PDE11A: variants seen among roughly 807,000 people sequenced by gnomAD.
The protein encoded by PDE11A is dual 3',5'-cyclic-AMP and -GMP phosphodiesterase 11A.
A neutral mutation model predicts 100.5 loss-of-function variants in PDE11A; 100 were observed. The ratio of observed to expected loss-of-function variants is 1.00; its 90% CI spans 0.85 to 1.18. The LOEUF (loss-of-function observed/expected upper bound fraction) is 1.18, where lower values mean the gene tolerates loss of function less well. Ranked by LOEUF, PDE11A falls within the 50% of genes most tolerant of loss-of-function variation. The probability of loss-of-function intolerance (pLI) is 0.00; values close to 1 mark genes in which losing one functional copy is unlikely to be tolerated. For synonymous variants in PDE11A, 381 were observed against 420.8 expected, an observed-to-expected ratio of 0.91 and a Z score of 1.16; for missense variants, 1,141 against 1,152.6, an observed-to-expected ratio of 0.99 and a Z score of 0.15.
At position 177,817,858 on chromosome 2, in the gene PDE11A, C is replaced by T. The variant is rs780184140; in HGVS notation, c.1644G>A (p.Glu548=). Reference sequence around the variant, plus strand: ...TTGGTTTATAAATTTATTTTCTTACCTCAAAAAGTCGTTGATCTGCATCAT... The same window carrying T: ...TTGGTTTATAAATTTATTTTCTTACTTCAAAAAGTCGTTGATCTGCATCAT... The part of the protein sequence containing the change: ...PFDDADQRLF[E]AFVIFCGLGI... Residue 548 remains glutamate, a splice_region_variant and synonymous_variant, in exon 8 of 20, where the codon GAG becomes GAA. Transcript: ENST00000286063. The T allele has an allele frequency of 2.8e-6, 4 of 1,451,308 alleles. No homozygotes were observed. Among genetic ancestry groups the T allele is most frequent in the African/African-American group, 2.9e-5 (2 of 69,740 alleles). 89.9% of individuals were successfully genotyped at this position (1,451,308 alleles called of 1,614,324 possible).
intron 9 of PDE11A, among the ~76,000 whole-genome samples, chr2:177,773,801 T>A: frequency 6.6e-6 from 1 of 152,198 alleles, no homozygotes; most frequent in Admixed American, 6.5e-5. Context: ...CATCGGCTAA[T>A]AGGAGTACAT....
intron 2 of PDE11A, among the ~76,000 whole-genome samples, chr2:178,103,493 A>T (rs1438881470): frequency 6.6e-6 from 1 of 152,108 alleles, no homozygotes; most frequent in Admixed American, 6.5e-5. Flanking sequence ...TGTACACTTT[A>T]AAATGTCTAA....
chr2:177,870,789 G>T (rs562513956), intron 5 of PDE11A, among the ~76,000 whole-genome samples: 1 of 152,182 alleles, frequency 6.6e-6, no homozygotes, highest in Non-Finnish European at 1.5e-5. Context: ...GCAGTACTTA[G>T]CACATAGTAA....
intron 9 of PDE11A, 34 bp downstream of exon 9, chr2:177,816,795 C>T: frequency 8.3e-7 from 1 of 1,201,300 alleles, no homozygotes; most frequent in Non-Finnish European, 1.2e-6. Context: ...TTAGAGCTGA[C>T]AGCATACAAA....
chr2:177,979,053 T>C (rs1412341335), intron 2 of PDE11A, among the ~76,000 whole-genome samples: 2 of 126,744 alleles, frequency 1.6e-5, no homozygotes, highest in Non-Finnish European at 1.7e-5. Flanking sequence ...AATGTGCACA[T>C]GTACCCTAAA....
At chr2:177,853,666 ATATATATATATATATGTG>A (rs1207698279) in intron 5 of PDE11A, among the ~76,000 whole-genome samples, 1 of 31,926 alleles carries the variant, frequency 3.1e-5, no homozygotes, top group African/African-American at 1.0e-4. Flanking sequence ...ATATATATAT[ATATATATATATATATGTG>A]TGTGTGTGTG....
At chr2:177,824,339 A>G (rs2083194104) in intron 6 of PDE11A, among the ~76,000 whole-genome samples, 1 of 152,246 alleles carries the variant, frequency 6.6e-6, no homozygotes, top group African/African-American at 2.4e-5. Flanking sequence ...AGTTAATTGC[A>G]TAGTTATTGC....
chr2:177,660,061 T>TTC (rs201496335), intron 19 of PDE11A, among the ~76,000 whole-genome samples: 9,841 of 42,470 alleles, frequency 0.23, 1,331 homozygotes, highest in Admixed American at 0.33. Flanking sequence ...CTTTCTTTCT[T>TTC]TCTTTCTTTC....
chr2:177,984,715 C>T (rs965930965), intron 2 of PDE11A, among the ~76,000 whole-genome samples: 1 of 152,134 alleles, frequency 6.6e-6, no homozygotes, highest in Non-Finnish European at 1.5e-5. Context: ...CACCAAAAAA[C>T]CCCCATGAGA....
chr2:177,699,837 CCA>C (rs2081171278), intron 14 of PDE11A, among the ~76,000 whole-genome samples: 1 of 152,110 alleles, frequency 6.6e-6, no homozygotes, highest in African/African-American at 2.4e-5. Context: ...ATAGGGAACC[CCA>C]GAGTGAAGGA....
At chr2:177,737,533 G>A (rs1346999352) in intron 10 of PDE11A, among the ~76,000 whole-genome samples, 11 of 150,890 alleles carry the variant, frequency 7.3e-5, no homozygotes, top group Non-Finnish European at 1.0e-4. Context: ...CCTGGGAGGC[G>A]GAGCTTGCAG....
chr2:178,004,370 G>A (rs1305848709), intron 2 of PDE11A, among the ~76,000 whole-genome samples: 1 of 152,010 alleles, frequency 6.6e-6, no homozygotes, highest in African/African-American at 2.4e-5. Flanking sequence ...TCATCAGAAA[G>A]GAATTTAATT....
intron 10 of PDE11A, among the ~76,000 whole-genome samples, chr2:177,735,330 G>C (rs114490657): frequency 0.01 from 1,582 of 151,930 alleles, 32 homozygotes; most frequent in African/African-American, 0.036. Flanking sequence ...CAAAACCTAA[G>C]AAAAGCCGTG....
At chr2:178,092,939 CAG>C (rs2087442708) in intron 2 of PDE11A, 1 of 152,322 alleles carries the variant, frequency 6.6e-6, no homozygotes, top group African/African-American at 2.4e-5. Flanking sequence ...AATATTCCAT[CAG>C]AGTCTCTTCT....
intron 2 of PDE11A, among the ~76,000 whole-genome samples, chr2:177,945,897 G>A (rs1210512939): frequency 2.4e-4 from 33 of 139,342 alleles, no homozygotes; most frequent in Admixed American, 1.4e-4. Flanking sequence ...CCCCCTGCCC[G>A]GCCAGCCGCC....
At chr2:177,912,318 A>C (rs1177138398) in intron 2 of PDE11A, among the ~76,000 whole-genome samples, 1 of 152,098 alleles carries the variant, frequency 6.6e-6, no homozygotes, top group Non-Finnish European at 1.5e-5. Flanking sequence ...GCTCCCTTCC[A>C]CTACTCTAGC....
At chr2:177,698,186 A>C (rs2081144047) in intron 14 of PDE11A, among the ~76,000 whole-genome samples, 1 of 152,182 alleles carries the variant, frequency 6.6e-6, no homozygotes. Context: ...ATAATTCTGA[A>C]TAGCTAGGAT....
intron 1 of PDE11A, among the ~76,000 whole-genome samples, chr2:178,017,166 T>C (rs1460944736): frequency 6.6e-6 from 1 of 152,268 alleles, no homozygotes; most frequent in Non-Finnish European, 1.5e-5. Context: ...ATGCAGAATA[T>C]AGAAAAGTTG....
intron 5 of PDE11A, among the ~76,000 whole-genome samples, chr2:177,851,702 T>C (rs1045187627): frequency 6.6e-6 from 1 of 151,720 alleles, no homozygotes; most frequent in Non-Finnish European, 1.5e-5. Context: ...ACTACATCCA[T>C]ACAGATGACT....
Sources: allele counts gnomAD v4.1 joint callset (sites outside exome capture counted in the v4.1 genomes callset), GRCh38; gene constraint gnomAD v4.1.1; transcripts MANE v1.5; gene names NCBI Gene and HGNC (gene_info 2026-07-23, HGNC 2026-07-21).